Variants in CNTN4 observed in about 807,000 individuals in gnomAD.
The protein encoded by CNTN4 is contactin-4.
In CNTN4, 77 loss-of-function variants were observed where a neutral mutation model predicts 122.5. The ratio of observed to expected loss-of-function variants is 0.63; its 90% CI spans 0.52 to 0.76. The LOEUF (loss-of-function observed/expected upper bound fraction) is 0.76. CNTN4 is among the 30% of genes least tolerant of loss of function. The pLI is 0.00. For missense variants in CNTN4, 1,256 were observed against 1,259.1 expected, an observed-to-expected ratio of 1.00 and a Z score of 0.04; for synonymous variants, 512 against 447.0, an observed-to-expected ratio of 1.15 and a Z score of -1.83.
intron 6 of CNTN4, among the ~76,000 whole-genome samples, chr3:2,812,409 G>A (rs112583436): frequency 0.06 from 9,164 of 152,118 alleles, 930 homozygotes; most frequent in African/African-American, 0.21. Context: ...GGTATAGTGC[G>A]TATATCTTAA....
chr3:2,760,367 G>A (rs1250022292), intron 6 of CNTN4, among the ~76,000 whole-genome samples: 6 of 151,914 alleles, frequency 3.9e-5, no homozygotes, highest in Non-Finnish European at 5.9e-5. Flanking sequence ...TGAAGTATTC[G>A]TTCAAAAGAA....
At chr3:2,518,818 G>T (rs1236350561) in intron 3 of CNTN4, among the ~76,000 whole-genome samples, 3 of 151,808 alleles carry the variant, frequency 2.0e-5, no homozygotes, top group African/African-American at 7.3e-5. Flanking sequence ...CTGTGGGCCT[G>T]AGACTTAAAT....
chr3:2,708,986 C>T (rs188446208), intron 4 of CNTN4, among the ~76,000 whole-genome samples: 11 of 152,208 alleles, frequency 7.2e-5, no homozygotes, highest in South Asian at 6.2e-4. Context: ...AATCCATGTA[C>T]GTATTTTAAT....
intron 2 of CNTN4, among the ~76,000 whole-genome samples, chr3:2,117,892 C>T (rs987317694): frequency 1.3e-5 from 2 of 152,152 alleles, no homozygotes; most frequent in African/African-American, 4.8e-5. Context: ...AGTTTCACAT[C>T]TGTCAGGTGG....
chr3:2,298,154 G>A (rs2042380707), intron 2 of CNTN4, among the ~76,000 whole-genome samples: 1 of 152,282 alleles, frequency 6.6e-6, no homozygotes, highest in African/African-American at 2.4e-5. Flanking sequence ...AATTAAGAAT[G>A]TAATTAGTAG....
chr3:3,037,121 C>T (rs1161713330), intron 17 of CNTN4, 58 bp from the exon 18 acceptor site: 1 of 1,579,442 alleles, frequency 6.3e-7, no homozygotes, highest in African/African-American at 1.4e-5. Flanking sequence ...CTAACGTAAT[C>T]TCTGCATTTG....
In CNTN4 at chr3:2,872,256, G is replaced by A. The variant is rs577529728; in HGVS notation, c.652+5307G>A. Among the ~76,000 whole-genome samples, 6 of 152,216 alleles carry A rather than the reference G, an allele frequency of 3.9e-5. No individual in the cohort carries two copies. In the South Asian group the frequency reaches 1.2e-3, roughly 32 times the overall value. On this transcript the variant is annotated intron_variant, in intron 8 of 24. Transcript: ENST00000418658. ...TCTTCTGTCTTTAGCCACTTACATG[G>A]CTCTCTCTAAAATGGCTTAAGATGA...
intron 4 of CNTN4, among the ~76,000 whole-genome samples, chr3:2,669,255 G>T (rs1284282248): frequency 6.6e-6 from 1 of 152,112 alleles, no homozygotes; most frequent in African/African-American, 2.4e-5. Context: ...ATTAATTATT[G>T]CCTCAATTTC....
At chr3:2,338,010 T>C (rs1405210168) in intron 2 of CNTN4, among the ~76,000 whole-genome samples, 5 of 152,118 alleles carry the variant, frequency 3.3e-5, no homozygotes, top group African/African-American at 1.2e-4. Context: ...CTGACCATAT[T>C]AAAACCAAAC....
At chr3:2,420,148 T>A (rs1453533482) in intron 3 of CNTN4, among the ~76,000 whole-genome samples, 1 of 152,216 alleles carries the variant, frequency 6.6e-6, no homozygotes, top group African/African-American at 2.4e-5. Context: ...AGACCTTTAA[T>A]TGTGTTTCTG....
At chr3:2,948,091 G>C (rs1357668816) in intron 13 of CNTN4, among the ~76,000 whole-genome samples, 1 of 152,176 alleles carries the variant, frequency 6.6e-6, no homozygotes, top group Non-Finnish European at 1.5e-5. Context: ...GGCTCACTAG[G>C]ACTTGTGTAA....
intron 6 of CNTN4, among the ~76,000 whole-genome samples, chr3:2,794,093 A>T (rs1318190939): frequency 1.3e-5 from 2 of 152,212 alleles, no homozygotes; most frequent in Non-Finnish European, 2.9e-5. Flanking sequence ...TCTGTTAGGC[A>T]TGCTTTCCTG....
At chr3:2,558,022 C>T (rs2078793482) in intron 3 of CNTN4, among the ~76,000 whole-genome samples, 1 of 152,108 alleles carries the variant, frequency 6.6e-6, no homozygotes, top group African/African-American at 2.4e-5. Flanking sequence ...ATGTACATAT[C>T]TTTCAAGGAG....
At chr3:2,925,330 C>A (rs1041350487) in intron 12 of CNTN4, among the ~76,000 whole-genome samples, 1 of 151,928 alleles carries the variant, frequency 6.6e-6, no homozygotes, top group Non-Finnish European at 1.5e-5. Context: ...CTGAGGCGGG[C>A]GGATCACGAG....
intron 6 of CNTN4, among the ~76,000 whole-genome samples, chr3:2,798,136 C>G (rs1227606963): frequency 6.7e-6 from 1 of 149,622 alleles, no homozygotes; most frequent in African/African-American, 2.5e-5. Flanking sequence ...TATGTACACA[C>G]GTTTTAGCTC....
intron 3 of CNTN4, chr3:2,362,671 T>G: frequency 2.5e-6 from 1 of 393,210 alleles, no homozygotes; most frequent in Admixed American, 3.4e-5. Flanking sequence ...GATGAGAAGC[T>G]GGGTGAACAA....
chr3:2,428,796 T>C (rs2047944877), intron 3 of CNTN4, among the ~76,000 whole-genome samples: 1 of 152,194 alleles, frequency 6.6e-6, no homozygotes, highest in Non-Finnish European at 1.5e-5. Context: ...TTCTCTAAAC[T>C]TCTCTTCTTG....
intron 2 of CNTN4, among the ~76,000 whole-genome samples, chr3:2,141,701 C>T (rs1438861597): frequency 6.6e-6 from 1 of 152,094 alleles, no homozygotes; most frequent in East Asian, 1.9e-4. Flanking sequence ...ATATAGCTCC[C>T]TGAGTGTCAA....
intron 2 of CNTN4, among the ~76,000 whole-genome samples, chr3:2,319,643 C>G (rs1157917370): frequency 6.6e-6 from 1 of 152,100 alleles, no homozygotes. Flanking sequence ...ATTTCTTTAG[C>G]TTACTTTACT....
Sources: allele counts gnomAD v4.1 joint callset (sites outside exome capture counted in the v4.1 genomes callset), GRCh38; gene constraint gnomAD v4.1.1; transcripts MANE v1.5; gene names NCBI Gene and HGNC (gene_info 2026-07-23, HGNC 2026-07-21).